Variants in ANO4 observed in about 807,000 individuals in gnomAD.
ANO4 encodes anoctamin-4.
ANO4 carries 69 observed loss-of-function variants against 141.9 expected under a neutral mutation model. The observed-to-expected ratio is 0.49, with a 90% CI of 0.40 to 0.59. The LOEUF (loss-of-function observed/expected upper bound fraction) is 0.59, where lower values mean the gene tolerates loss of function less well. ANO4 is among the 20% of genes least tolerant of loss of function. ANO4 has a pLI of 0.00. For synonymous variants in ANO4, 350 were observed against 394.3 expected, an observed-to-expected ratio of 0.89 and a Z score of 1.33; for missense variants, 894 against 1,162.2, an observed-to-expected ratio of 0.77 and a Z score of 3.36.
At position 101,042,386 on chromosome 12, in the gene ANO4, A is replaced by G; in HGVS notation, c.1072A>G (p.Thr358Ala). ...GLYFAWLGWYTGMLFPAAFIG... is the reference protein window; with the variant it reads ...GLYFAWLGWYAGMLFPAAFIG... ...ATATTTTGCCTGGTTGGGCTGGTAC[A>G]CCGGCATGCTCTTCCCAGCTGCCTT... Residue 358 changes from threonine to alanine, a missense_variant, in exon 12 of 28, where the codon ACC becomes GCC. Coordinates refer to ENST00000392977, the MANE Select transcript of ANO4 (RefSeq NM_001286615.2). The G allele has an allele frequency of 6.2e-7, 1 of 1,614,178 alleles. No homozygotes were observed.
At chr12:100,810,074 A>G (rs962078561) in intron 1 of ANO4, among the ~76,000 whole-genome samples, 2 of 152,142 alleles carry the variant, frequency 1.3e-5, no homozygotes, top group Non-Finnish European at 2.9e-5. Flanking sequence ...ATAAGGTGAT[A>G]TGTAAGTTGA....
rs1354510471 is a variant in ANO4 at position 101,073,004 on chromosome 12, A to G, written c.1313-6189A>G. On this transcript the variant is annotated intron_variant, in intron 14 of 27. Coordinates refer to ENST00000392977, the MANE Select transcript of ANO4 (RefSeq NM_001286615.2). Reference sequence around the variant, plus strand: ...GTTCATGGGAGTGTAAACCATTTCAACCATTGTAGAAGACAGTGTGGCAAT... The same window carrying G: ...GTTCATGGGAGTGTAAACCATTTCAGCCATTGTAGAAGACAGTGTGGCAAT... Among the ~76,000 whole-genome samples the G allele has an allele frequency of 2.0e-5, 3 of 152,218 alleles. 1 individual carries two copies. Among genetic ancestry groups the G allele is most frequent in the South Asian group, 4.1e-4 (2 of 4,832 alleles).
intron 9 of ANO4, among the ~76,000 whole-genome samples, chr12:101,036,064 C>G (rs1467565774): frequency 1.3e-5 from 2 of 152,030 alleles, no homozygotes; most frequent in African/African-American, 4.8e-5. Context: ...AGACATTTTT[C>G]CATATAAAAC....
At chr12:100,987,819 T>C (rs2044784331) in intron 8 of ANO4, 149 bp downstream of exon 8, 5 of 1,151,960 alleles carry the variant, frequency 4.3e-6, no homozygotes, top group Non-Finnish European at 6.0e-6. Flanking sequence ...ATATCCCTTT[T>C]ATTTCAGTCA....
At chr12:100,908,840 G>A (rs573346810) in intron 2 of ANO4, among the ~76,000 whole-genome samples, 1 of 152,300 alleles carries the variant, frequency 6.6e-6, no homozygotes, top group African/African-American at 2.4e-5. Flanking sequence ...GAGAATTTGG[G>A]AGTCTTGTAG....
intron 8 of ANO4, among the ~76,000 whole-genome samples, chr12:100,998,602 G>A (rs1566108229): frequency 6.6e-6 from 1 of 152,244 alleles, no homozygotes; most frequent in East Asian, 1.9e-4. Flanking sequence ...TAACCAGTGG[G>A]TACACATCTC....
intron 3 of ANO4, among the ~76,000 whole-genome samples, chr12:100,772,491 A>T (rs998007009): frequency 6.6e-6 from 1 of 152,158 alleles, no homozygotes; most frequent in Admixed American, 6.5e-5. Context: ...CAGGGAGTCC[A>T]TGTGGCATAG....
chr12:100,893,464 G>A (rs925715845), intron 1 of ANO4, among the ~76,000 whole-genome samples: 3 of 152,036 alleles, frequency 2.0e-5, no homozygotes, highest in Non-Finnish European at 4.4e-5. Flanking sequence ...TTTAAGTAAG[G>A]CTTGGTCCAG....
chr12:100,804,215 T>C (rs572180696), intron 1 of ANO4, among the ~76,000 whole-genome samples: 20 of 152,272 alleles, frequency 1.3e-4, no homozygotes, highest in Admixed American at 3.3e-4. Context: ...GGTTTTCTGT[T>C]CCTGTGTTAG....
At chr12:100,907,443 C>T (rs955961847) in intron 2 of ANO4, among the ~76,000 whole-genome samples, 3 of 152,196 alleles carry the variant, frequency 2.0e-5, no homozygotes, top group African/African-American at 4.8e-5. Flanking sequence ...CCCCTACTTC[C>T]CCGTGCTTCC....
intron 17 of ANO4, among the ~76,000 whole-genome samples, chr12:101,089,766 G>A (rs1190819579): frequency 6.6e-6 from 1 of 152,190 alleles, no homozygotes; most frequent in African/African-American, 2.4e-5. Context: ...TTAAACTGAA[G>A]AGCTTCTGCA....
chr12:100,787,961 C>T (rs2135599284), intron 3 of ANO4, among the ~76,000 whole-genome samples: 1 of 152,320 alleles, frequency 6.6e-6, no homozygotes, highest in Middle Eastern at 3.4e-3. Flanking sequence ...CAAATACATT[C>T]ATATGCCTAT....
At chr12:101,066,316 C>A (rs1203738126) in intron 14 of ANO4, among the ~76,000 whole-genome samples, 1 of 152,266 alleles carries the variant, frequency 6.6e-6, no homozygotes, top group African/African-American at 2.4e-5. Context: ...AGGAAGACAT[C>A]AAATTATCCT....
At chr12:101,043,437 A>G in intron 12 of ANO4, 102 bp from the exon 13 acceptor site, 1 of 810,228 alleles carries the variant, frequency 1.2e-6, no homozygotes, top group Non-Finnish European at 2.1e-6. Flanking sequence ...AAGGGCAAAC[A>G]TTTAACCTAC....
chr12:100,890,691 CTTG>C (rs2040061339), intron 1 of ANO4, among the ~76,000 whole-genome samples: 1 of 152,048 alleles, frequency 6.6e-6, no homozygotes, highest in Non-Finnish European at 1.5e-5. Context: ...ACAGACATTC[CTTG>C]TGTATCTCCT....
intron 8 of ANO4, among the ~76,000 whole-genome samples, chr12:101,015,262 T>G (rs753856101): frequency 1.4e-4 from 21 of 152,216 alleles, no homozygotes; most frequent in Non-Finnish European, 2.5e-4. Context: ...CCGAGGTGTA[T>G]GTGTCCTCCC....
At chr12:101,098,239 G>A (rs1044580486) in intron 21 of ANO4, among the ~76,000 whole-genome samples, 1 of 152,054 alleles carries the variant, frequency 6.6e-6, no homozygotes, top group Non-Finnish European at 1.5e-5. Flanking sequence ...CTGACCTTTC[G>A]GGCTCCAGCA....
intron 1 of ANO4, among the ~76,000 whole-genome samples, chr12:100,891,211 C>T (rs1348217026): frequency 6.6e-6 from 1 of 152,116 alleles, no homozygotes; most frequent in East Asian, 1.9e-4. Flanking sequence ...GTTTATTTGT[C>T]AGTTTACCTA....
At chr12:100,823,261 T>C (rs1045710843) in intron 1 of ANO4, among the ~76,000 whole-genome samples, 4 of 151,994 alleles carry the variant, frequency 2.6e-5, no homozygotes, top group African/African-American at 9.7e-5. Context: ...CATTTACTTA[T>C]ATATGTGGCA....
Sources: allele counts gnomAD v4.1 joint callset (sites outside exome capture counted in the v4.1 genomes callset), GRCh38; gene constraint gnomAD v4.1.1; transcripts MANE v1.5; gene names NCBI Gene and HGNC (gene_info 2026-07-23, HGNC 2026-07-21).